The following ZNF503 variants were observed in gnomAD, a reference collection of about 807,000 sequenced individuals.
ZNF503 encodes NocA-like zinc finger 2.
A neutral mutation model predicts 34.4 loss-of-function variants in ZNF503; 15 were observed. That is an observed-to-expected ratio of 0.44 (90% CI 0.29 to 0.67). ZNF503 has a LOEUF of 0.67. Ranked by LOEUF, ZNF503 falls within the 30% of genes least tolerant of loss-of-function variation. The pLI is 0.13. For synonymous variants in ZNF503, 580 were observed against 456.8 expected (o/e 1.27, Z -3.44); for missense variants, 1,007 against 926.8 (o/e 1.09, Z -1.12).
chr10:75,356,750 A>T, the ZNF503 span, among the ~76,000 whole-genome samples: 2 of 152,012 alleles, frequency 1.3e-5, no homozygotes, highest in East Asian at 3.9e-4. Context: ...GCCCTGACAG[A>T]TTTTATCAAG....
chr10:75,293,455 C>A, the ZNF503 span, among the ~76,000 whole-genome samples: 1 of 152,174 alleles, frequency 6.6e-6, no homozygotes, highest in African/African-American at 2.4e-5. Flanking sequence ...AGCAGATGCT[C>A]TTTTCTTCAC....
At chr10:75,351,775 GT>G in the ZNF503 span, among the ~76,000 whole-genome samples, 18 of 152,246 alleles carry the variant, frequency 1.2e-4, no homozygotes, top group Middle Eastern at 0.01. Flanking sequence ...TTTGGATACA[GT>G]GGAAAGAGCC....
the ZNF503 span, among the ~76,000 whole-genome samples, chr10:75,323,749 C>G: frequency 6.6e-6 from 1 of 151,876 alleles, no homozygotes; most frequent in African/African-American, 2.4e-5. Context: ...GCCTGTAATC[C>G]CAGCACTTTG....
Position 75,398,648 on chromosome 10 carries a change from C to T in ZNF503, c.*101G>A. 1 of 1,122,422 alleles carries T rather than the reference C, an allele frequency of 8.9e-7. No individual in the cohort carries two copies. Among genetic ancestry groups the T allele is most frequent in the Non-Finnish European group, 1.1e-6 (1 of 873,840 alleles). The allele number at this position is 1,122,422 out of a possible 1,614,324, so 69.5% of individuals were successfully genotyped here. ...TTTCCTTTCGTGGCCCGAGTCCTCC[C>T]CACGCGCGGGTGTCAGCAGCCTGGG... On this transcript the variant is annotated 3_prime_UTR_variant, in exon 2 of 2. Transcript: ENST00000372524.
At chr10:75,344,716 G>A in the ZNF503 span, among the ~76,000 whole-genome samples, 1,067 of 152,318 alleles carry the variant, frequency 7.0e-3, 14 homozygotes, top group African/African-American at 0.024. Flanking sequence ...CTGTTGGCTG[G>A]GTATTCTGTT....
the ZNF503 span, chr10:75,360,480 C>T: frequency 3.0e-4 from 45 of 152,292 alleles, no homozygotes; most frequent in African/African-American, 1.0e-3. Context: ...GTGGGTGCCT[C>T]CTTACATTTT....
chr10:75,331,406 T>A, the ZNF503 span, among the ~76,000 whole-genome samples: 3 of 152,238 alleles, frequency 2.0e-5, no homozygotes, highest in African/African-American at 7.2e-5. Flanking sequence ...GATGTTGAAG[T>A]CCCCAACTAT....
the ZNF503 span, among the ~76,000 whole-genome samples, chr10:75,293,620 C>A: frequency 2.0e-5 from 3 of 151,754 alleles, no homozygotes; most frequent in Admixed American, 2.0e-4. Flanking sequence ...AGTGCCCCCC[C>A]CGTCCACTCA....
At chr10:75,315,147 G>A in the ZNF503 span, among the ~76,000 whole-genome samples, 2 of 152,206 alleles carry the variant, frequency 1.3e-5, no homozygotes, top group African/African-American at 4.8e-5. Flanking sequence ...ATTGCTTGAG[G>A]CCAAGAATTC....
the ZNF503 span, among the ~76,000 whole-genome samples, chr10:75,339,778 T>G: frequency 6.6e-6 from 1 of 152,158 alleles, no homozygotes; most frequent in African/African-American, 2.4e-5. Flanking sequence ...ATTTAAGTTA[T>G]GAAGACATAG....
the ZNF503 span, among the ~76,000 whole-genome samples, chr10:75,330,538 G>A: frequency 6.6e-6 from 1 of 152,126 alleles, no homozygotes; most frequent in South Asian, 2.1e-4. Flanking sequence ...CTTGTAATTG[G>A]TCTATTCAGG....
chr10:75,334,434 C>G, the ZNF503 span, among the ~76,000 whole-genome samples: 2 of 152,106 alleles, frequency 1.3e-5, no homozygotes, highest in African/African-American at 4.8e-5. Flanking sequence ...TTTTTGGTCA[C>G]TTGGTCTTGT....
downstream of ZNF503, among the ~76,000 whole-genome samples, chr10:75,397,339 C>T (rs1456111499): frequency 6.6e-6 from 1 of 152,194 alleles, no homozygotes; most frequent in South Asian, 2.1e-4. Context: ...CCCCCAGGCC[C>T]GGGACACAGG....
chr10:75,369,008 A>G, the ZNF503 span, among the ~76,000 whole-genome samples: 4 of 152,242 alleles, frequency 2.6e-5, no homozygotes, highest in African/African-American at 4.8e-5. Context: ...GCACATCTGT[A>G]TAGTGGGATA....
At chr10:75,328,083 T>C in the ZNF503 span, among the ~76,000 whole-genome samples, 1 of 152,218 alleles carries the variant, frequency 6.6e-6, no homozygotes, top group Non-Finnish European at 1.5e-5. Context: ...TCCTTTGCTG[T>C]GCAGGGGCTT....
chr10:75,328,537 C>T, the ZNF503 span, among the ~76,000 whole-genome samples: 2 of 152,020 alleles, frequency 1.3e-5, no homozygotes, highest in African/African-American at 2.4e-5. Context: ...ATTATGATGC[C>T]TCCAGCTTTG....
the ZNF503 span, among the ~76,000 whole-genome samples, chr10:75,289,769 T>C: frequency 6.6e-6 from 1 of 152,118 alleles, no homozygotes; most frequent in African/African-American, 2.4e-5. Context: ...TTTCACCATG[T>C]TGACTGGGCT....
At chr10:75,341,683 A>G in the ZNF503 span, among the ~76,000 whole-genome samples, 9 of 152,346 alleles carry the variant, frequency 5.9e-5, no homozygotes, top group East Asian at 1.7e-3. Context: ...AAGCAAATAC[A>G]TTACTCAATA....
At chr10:75,387,985 C>G in the ZNF503 span, among the ~76,000 whole-genome samples, 1 of 152,122 alleles carries the variant, frequency 6.6e-6, no homozygotes, top group East Asian at 1.9e-4. Flanking sequence ...GAGGAGGGGT[C>G]CAGGACCCCA....
Sources: gnomAD v4.1 joint callset for allele counts (sites outside exome capture counted in the v4.1 genomes callset) on GRCh38, gnomAD v4.1.1 for gene constraint, MANE v1.5 for transcripts, NCBI Gene and HGNC (gene_info 2026-07-23, HGNC 2026-07-21) for gene names.